Variants in ITK observed in about 807,000 individuals in gnomAD.
ITK encodes the protein tyrosine-protein kinase ITK/TSK.
A neutral mutation model predicts 87.6 loss-of-function variants in ITK; 45 were observed. The observed-to-expected ratio is 0.51, with a 90% CI of 0.40 to 0.66. ITK has a LOEUF of 0.66. Among genes scored for constraint, ITK ranks in the 30% least tolerant of loss-of-function variants. The probability of loss-of-function intolerance (pLI) is 0.00; values close to 1 mark genes in which losing one functional copy is unlikely to be tolerated. For synonymous variants in ITK, 303 were observed against 273.6 expected (o/e 1.11, Z -1.06); for missense variants, 605 against 766.3 (o/e 0.79, Z 2.48).
chr5:157,185,867 C>G (rs1400182987), intron 1 of ITK, among the ~76,000 whole-genome samples: 1 of 151,966 alleles, frequency 6.6e-6, no homozygotes, highest in Non-Finnish European at 1.5e-5. Context: ...AATAATTAAA[C>G]ATTCCTTCAT....
intron 11 of ITK, 80 bp from the exon 12 acceptor site, chr5:157,243,543 G>A (rs1011967409): frequency 2.6e-6 from 3 of 1,165,856 alleles, no homozygotes; most frequent in East Asian, 4.7e-5. Flanking sequence ...ATTCTAGTTA[G>A]GGCTTTATAG....
intron 16 of ITK, among the ~76,000 whole-genome samples, 160 bp from the exon 17 acceptor site, chr5:157,252,447 C>A (rs973816559): frequency 1.2e-4 from 18 of 152,162 alleles, no homozygotes; most frequent in Non-Finnish European, 2.9e-5. Flanking sequence ...TTCCAGAATA[C>A]CTGCTGTTAA....
chr5:157,197,619 C>T (rs1452133759), intron 1 of ITK, among the ~76,000 whole-genome samples: 4 of 129,770 alleles, frequency 3.1e-5, no homozygotes, highest in Non-Finnish European at 1.7e-5. Flanking sequence ...TCTCTTCTTC[C>T]AAAAATGGGA....
rs530049477 is a variant in ITK, at chr5:157,246,128, T to C, written c.1633+129T>C. On this transcript the variant is annotated intron_variant, in intron 15 of 16. Coordinates refer to ENST00000422843, the MANE Select transcript of ITK (RefSeq NM_005546.4). The stretch of plus-strand genomic sequence containing the variant: ...ATCATGAGGGTGTCCCACTGGAGGG[T>C]TGTGTAAGAAAGGCCCCGAAAACTA... The C allele has an allele frequency of 1.8e-5, 14 of 781,898 alleles. No individual in the cohort carries two copies. The East Asian group carries it at 2.9e-4, about 16-fold the overall frequency. The allele number at this position is 781,898 out of a possible 1,614,324, so 48.4% of individuals were successfully genotyped here. A position where few individuals can be genotyped will look rare whatever the true frequency, so the allele number is the denominator to read the frequency against.
At chr5:157,184,638 C>T (rs562309266) in intron 1 of ITK, among the ~76,000 whole-genome samples, 1 of 152,296 alleles carries the variant, frequency 6.6e-6, no homozygotes, top group East Asian at 1.9e-4. Context: ...GGATCTCAGA[C>T]CAGACACTTG....
intron 5 of ITK, among the ~76,000 whole-genome samples, chr5:157,221,486 G>C (rs536919391): frequency 1.1e-4 from 17 of 152,128 alleles, no homozygotes; most frequent in Admixed American, 4.6e-4. Context: ...CGAAAGTTGT[G>C]GGGAATGTGG....
chr5:157,185,183 T>A (rs1753616110), intron 1 of ITK, among the ~76,000 whole-genome samples: 1 of 152,062 alleles, frequency 6.6e-6, no homozygotes, highest in Non-Finnish European at 1.5e-5. Flanking sequence ...CTAGCTCACA[T>A]TTGATCTGTG....
In ITK at chr5:157,233,930, TAC is replaced by T. The variant is rs1444390721; in HGVS notation, c.768+1538_768+1539del. On this transcript the variant is annotated intron_variant, in intron 8 of 16. Transcript: ENST00000422843. ...CAGTTGAAACATTCCTCCTTACTGATACATATATATATATATATATATATATA... is the reference window on the plus strand; with the variant it reads ...CAGTTGAAACATTCCTCCTTACTGATATATATATATATATATATATATATA... Among the ~76,000 whole-genome samples the T allele has an allele frequency of 1.4e-3, 88 of 61,876 alleles. 1 individual carries two copies. Among genetic ancestry groups the T allele is most frequent in the Non-Finnish European group, 1.7e-3 (52 of 30,974 alleles). The allele number at this position is 61,876 out of a possible 152,430, so 40.6% of individuals were successfully genotyped here.
At chr5:157,201,198 C>A (rs1753965315) in intron 1 of ITK, among the ~76,000 whole-genome samples, 1 of 151,696 alleles carries the variant, frequency 6.6e-6, no homozygotes, top group African/African-American at 2.4e-5. Context: ...AATTTTGAGT[C>A]TTGCAAAAAG....
intron 1 of ITK, among the ~76,000 whole-genome samples, chr5:157,184,474 T>C (rs1444883339): frequency 2.0e-5 from 3 of 152,130 alleles, no homozygotes; most frequent in Non-Finnish European, 4.4e-5. Context: ...ACAGCATACT[T>C]AGTTGCATGT....
Position 157,208,915 on chromosome 5 carries a change from T to C in ITK, c.165T>C (p.Ile55=), listed in dbSNP as rs1489407579. The C allele has an allele frequency of 7.4e-6, 12 of 1,613,824 alleles. No homozygotes were observed. Among genetic ancestry groups the C allele is most frequent in the Non-Finnish European group, 9.3e-6 (11 of 1,179,848 alleles). ...HGKKRTLKGS[I]ELSRIKCVEI... is the part of the protein sequence containing the mutation. ...AGAAGCGCACGCTGAAGGGGTCCATTGAGCTCTCCCGAATCAAATGTGTTG... is the reference window on the plus strand; with the variant it reads ...AGAAGCGCACGCTGAAGGGGTCCATCGAGCTCTCCCGAATCAAATGTGTTG... Residue 55 remains isoleucine, a synonymous_variant, in exon 2 of 17, where the codon ATT becomes ATC. Transcript: ENST00000422843.
At chr5:157,234,646 A>G (rs930466165) in intron 8 of ITK, among the ~76,000 whole-genome samples, 1 of 152,186 alleles carries the variant, frequency 6.6e-6, no homozygotes, top group African/African-American at 2.4e-5. Flanking sequence ...GCTGGAAAAC[A>G]TCATTCTCAG....
rs1208457819 is a variant in ITK at position 157,243,787 on chromosome 5, G to A, written c.1225G>A (p.Val409Ile). 2 of 1,613,828 alleles carry A rather than the reference G, an allele frequency of 1.2e-6. No individual in the cohort carries two copies. The highest frequency in any genetic ancestry group is 2.2e-5 in the South Asian group (2 of 91,078). The stretch of plus-strand genomic sequence containing the variant: ...AGAGGACTTCATAGAGGAGGCTGAA[G>A]TAATGATGTGAGTGCTCAGAACAAG... ...SEEDFIEEAE[V>I]MMKLSHPKLV... The change falls in exon 12 of 17, where the codon GTA becomes ATA. Residue 409 changes from valine (V) to isoleucine (I), a missense_variant. By Grantham distance (29) the Val-to-Ile change is conservative. This residue lies in a region of ITK where 464 missense variants were observed against 578.0 expected (regional missense o/e 0.80). Coordinates refer to ENST00000422843, the MANE Select transcript of ITK (RefSeq NM_005546.4).
chr5:157,251,274 A>G (rs1457444418), intron 16 of ITK, among the ~76,000 whole-genome samples: 1 of 152,206 alleles, frequency 6.6e-6, no homozygotes, highest in Non-Finnish European at 1.5e-5. Context: ...ACATTTTCAT[A>G]TGCTTATTTG....
intron 1 of ITK, among the ~76,000 whole-genome samples, chr5:157,189,750 T>C (rs1385727189): frequency 1.3e-5 from 2 of 152,212 alleles, no homozygotes; most frequent in African/African-American, 2.4e-5. Context: ...AAACAAGACA[T>C]GTAAATATCA....
At chr5:157,212,724 T>C (rs1463512037) in intron 3 of ITK, among the ~76,000 whole-genome samples, 2 of 151,998 alleles carry the variant, frequency 1.3e-5, no homozygotes, top group East Asian at 3.9e-4. Flanking sequence ...TGGTGGCACA[T>C]GCCTGTGCTC....
In ITK at chr5:157,248,931, G is replaced by C. The variant is rs140542010; in HGVS notation, c.1715G>C (p.Ser572Thr). 6.2e-7 allele frequency: 1 copy of C among 1,613,902 alleles called. No individual in the cohort carries two copies. The highest frequency in any genetic ancestry group is 1.1e-5 in the South Asian group (1 of 91,060). The change falls in exon 16 of 17, where the codon AGT (serine) becomes ACT (threonine). Residue 572 changes from serine (S) to threonine (T), a missense_variant. Transcript: ENST00000422843. ...AACTCAGAGGTGGTGGAAGACATCA[G>C]TACCGGATTTCGGTTGTACAAGCCC... ...RSNSEVVEDISTGFRLYKPRL... is the reference protein window; with the variant it reads ...RSNSEVVEDITTGFRLYKPRL...
intron 15 of ITK, 68 bp from the exon 16 acceptor site, chr5:157,248,782 G>A: frequency 6.4e-7 from 1 of 1,565,028 alleles, no homozygotes; most frequent in Non-Finnish European, 8.8e-7. Context: ...AATTTCTAGA[G>A]GCAGGTTGGT....
intron 1 of ITK, among the ~76,000 whole-genome samples, chr5:157,204,392 C>G (rs1754039063): frequency 6.6e-6 from 1 of 151,958 alleles, no homozygotes; most frequent in Non-Finnish European, 1.5e-5. Context: ...GAAACCCCAT[C>G]TCTACTAAAA....
Sources: allele counts gnomAD v4.1 joint callset (sites outside exome capture counted in the v4.1 genomes callset), GRCh38; gene constraint gnomAD v4.1.1; regional missense constraint gnomAD v4.1.1; transcripts MANE v1.5; gene names NCBI Gene and HGNC (gene_info 2026-07-23, HGNC 2026-07-21).